FHIT: variants seen among roughly 807,000 people sequenced by gnomAD.
FHIT encodes the protein bis(5'-adenosyl)-triphosphatase.
Under a neutral mutation model 17.9 loss-of-function variants are expected in FHIT, and 19 were observed. The observed-to-expected ratio is 1.06, with a 90% CI of 0.74 to 1.56. The LOEUF (loss-of-function observed/expected upper bound fraction) is 1.56. Ranked by LOEUF, FHIT falls within the 40% of genes most tolerant of loss-of-function variation. The pLI is 0.00. For missense variants in FHIT, 248 were observed against 189.2 expected (o/e 1.31, Z -1.82); for synonymous variants, 81 against 69.7 (o/e 1.16, Z -0.81).
intron 5 of FHIT, among the ~76,000 whole-genome samples, chr3:60,441,855 G>GT (rs75740422): frequency 0.016 from 1,849 of 115,598 alleles, 18 homozygotes; most frequent in Middle Eastern, 0.025. Flanking sequence ...TTTTAGTTGT[G>GT]TTTTTTTTTT....
chr3:60,955,574 G>A (rs1392315031), intron 3 of FHIT, among the ~76,000 whole-genome samples: 1 of 105,270 alleles, frequency 9.5e-6, no homozygotes, highest in East Asian at 2.2e-4. Flanking sequence ...AAACTAAAAT[G>A]TATCTGCTTA....
chr3:59,924,511 G>C (rs6804014), intron 7 of FHIT, among the ~76,000 whole-genome samples: 4,776 of 152,144 alleles, frequency 0.031, 234 homozygotes, highest in African/African-American at 0.11. Context: ...TACCTCACAG[G>C]GTTGTTAAGA....
intron 5 of FHIT, among the ~76,000 whole-genome samples, chr3:60,235,669 A>G (rs1312461395): frequency 6.6e-6 from 1 of 152,194 alleles, no homozygotes; most frequent in African/African-American, 2.4e-5. Context: ...CATGATCTCA[A>G]TGGCAAGTGT....
chr3:60,248,097 T>G (rs752770154), intron 5 of FHIT, among the ~76,000 whole-genome samples: 1 of 152,156 alleles, frequency 6.6e-6, no homozygotes, highest in Admixed American at 6.6e-5. Flanking sequence ...CATTCTTCAG[T>G]GCATTGCTCT....
At chr3:60,974,492 CG>C (rs199585004) in intron 3 of FHIT, among the ~76,000 whole-genome samples, 1,609 of 152,144 alleles carry the variant, frequency 0.011, 30 homozygotes, top group African/African-American at 0.036. Flanking sequence ...GTTATCACCA[CG>C]TAATGAAGAC....
intron 5 of FHIT, among the ~76,000 whole-genome samples, chr3:60,325,629 A>G (rs1195854204): frequency 6.6e-6 from 1 of 152,248 alleles, no homozygotes; most frequent in African/African-American, 2.4e-5. Context: ...TTTAGTGAAT[A>G]AAACAATGAT....
intron 5 of FHIT, among the ~76,000 whole-genome samples, chr3:60,073,055 C>CTTGAAAATTGAAAGAAACCAA (rs1702850084): frequency 6.6e-6 from 1 of 152,188 alleles, no homozygotes; most frequent in South Asian, 2.1e-4. Flanking sequence ...AAGTTTGAAA[C>CTTGAAAATTGAAAGAAACCAA]TAGGTCTTCT....
intron 4 of FHIT, among the ~76,000 whole-genome samples, chr3:60,782,117 T>C (rs1441537757): frequency 1.3e-5 from 2 of 152,196 alleles, no homozygotes; most frequent in African/African-American, 4.8e-5. Flanking sequence ...GGTATTTGTT[T>C]TTCTTTGCTA....
At chr3:61,019,877 T>G (rs189957137) in intron 3 of FHIT, among the ~76,000 whole-genome samples, 1 of 152,168 alleles carries the variant, frequency 6.6e-6, no homozygotes, top group Non-Finnish European at 1.5e-5. Context: ...TCTTTTTTTT[T>G]AATTATACTT....
chr3:60,457,338 C>A (rs2032168125), intron 5 of FHIT, among the ~76,000 whole-genome samples: 2 of 152,100 alleles, frequency 1.3e-5, no homozygotes, highest in South Asian at 2.1e-4. Flanking sequence ...GGAAAGGATT[C>A]CCTATTTAAT....
At chr3:60,279,703 A>G (rs1707338061) in intron 5 of FHIT, among the ~76,000 whole-genome samples, 2 of 152,180 alleles carry the variant, frequency 1.3e-5, no homozygotes. Context: ...ATAATGTATA[A>G]AAGTTATTAT....
chr3:60,991,519 A>G (rs1486774096), intron 3 of FHIT, among the ~76,000 whole-genome samples: 1 of 152,208 alleles, frequency 6.6e-6, no homozygotes, highest in Non-Finnish European at 1.5e-5. Context: ...GTTCCACTCA[A>G]AGATAGCATT....
At chr3:60,064,108 T>C (rs184543149) in intron 5 of FHIT, among the ~76,000 whole-genome samples, 98 of 152,326 alleles carry the variant, frequency 6.4e-4, no homozygotes, top group Middle Eastern at 3.4e-3. Flanking sequence ...GAGGCCAGCA[T>C]GTCAGAGAAG....
rs139885758 is a variant in FHIT at position 60,216,022 on chromosome 3, A to G, written c.104-201870T>C. ...AGTAAAATGAACACACCCCATATCAAGCACATCTTTGTAGGTCAAGATGGC... is the reference window on the plus strand; with the variant it reads ...AGTAAAATGAACACACCCCATATCAGGCACATCTTTGTAGGTCAAGATGGC... On this transcript the variant is annotated intron_variant, in intron 5 of 9. Transcript: ENST00000492590. 2.6e-5 allele frequency among the ~76,000 whole-genome samples: 4 copies of G among 152,304 alleles called. No individual in the cohort carries two copies. In the East Asian group the frequency reaches 7.7e-4, roughly 29 times the overall value.
chr3:60,866,769 T>A (rs1180166843), intron 3 of FHIT, among the ~76,000 whole-genome samples: 1 of 152,228 alleles, frequency 6.6e-6, no homozygotes, highest in African/African-American at 2.4e-5. Context: ...GTGCTCTCTC[T>A]CACAATTATC....
chr3:60,864,845 C>T (rs1236562324), intron 3 of FHIT, among the ~76,000 whole-genome samples: 1 of 151,760 alleles, frequency 6.6e-6, no homozygotes, highest in Non-Finnish European at 1.5e-5. Context: ...ACTTAGAAAA[C>T]ACCCTTTGAA....
In FHIT at chr3:60,011,255, C is replaced by G. The variant is rs1700125808; in HGVS notation, c.279+116G>C. 82 of 946,508 alleles carry G rather than the reference C, an allele frequency of 8.7e-5. No individual in the cohort carries two copies. In the South Asian group the frequency reaches 1.0e-3, roughly 12 times the overall value. 58.6% of individuals were successfully genotyped at this position (946,508 alleles called of 1,614,324 possible). A position where few individuals can be genotyped will look rare whatever the true frequency, so the allele number is the denominator to read the frequency against. On this transcript the variant is annotated intron_variant, in intron 7 of 9. Transcript: ENST00000492590. ...TACGGCTCTAACACTGAGGGTCTCT[C>G]TGACCTCGAAGATAACATAATGAAA...
chr3:60,817,162 C>T (rs1270740641), intron 4 of FHIT, among the ~76,000 whole-genome samples: 1 of 152,014 alleles, frequency 6.6e-6, no homozygotes, highest in Non-Finnish European at 1.5e-5. Context: ...CCACTGCCTC[C>T]ATTCTTTATG....
At chr3:60,527,786 ACTT>A (rs2035628028) in intron 5 of FHIT, among the ~76,000 whole-genome samples, 1 of 152,236 alleles carries the variant, frequency 6.6e-6, no homozygotes, top group African/African-American at 2.4e-5. Flanking sequence ...AGGGAGAAGA[ACTT>A]CTCAGGACAC....
Sources: gnomAD v4.1 joint callset for allele counts (sites outside exome capture counted in the v4.1 genomes callset) on GRCh38, gnomAD v4.1.1 for gene constraint, MANE v1.5 for transcripts, NCBI Gene and HGNC (gene_info 2026-07-23, HGNC 2026-07-21) for gene names.